Variants in GSE1 observed in about 807,000 individuals in gnomAD.
GSE1 encodes the protein Gse1 coiled-coil protein.
Under a neutral mutation model 112.6 loss-of-function variants are expected in GSE1, and 32 were observed. The ratio of observed to expected loss-of-function variants is 0.28; its 90% CI spans 0.21 to 0.38. The LOEUF is 0.38. Among genes scored for constraint, GSE1 ranks in the 10% least tolerant of loss-of-function variants. The pLI, the probability that GSE1 is intolerant of heterozygous loss-of-function variation, is 1.00. For missense variants in GSE1, 2,348 were observed against 1,699.2 expected, an observed-to-expected ratio of 1.38 and a Z score of -6.71; for synonymous variants, 1,115 against 735.6, an observed-to-expected ratio of 1.52 and a Z score of -8.35.
At chr16:85,173,255 A>ATG (rs1181050748) in intron 1 of GSE1, among the ~76,000 whole-genome samples, 2 of 152,242 alleles carry the variant, frequency 1.3e-5, no homozygotes, top group African/African-American at 4.8e-5. Flanking sequence ...CAAGACTCAG[A>ATG]TAAGTCAGAC....
At chr16:85,332,754 C>T (rs1478398934) in intron 1 of GSE1, among the ~76,000 whole-genome samples, 1 of 152,184 alleles carries the variant, frequency 6.6e-6, no homozygotes, top group Admixed American at 6.5e-5. Flanking sequence ...TTCCTGTCTA[C>T]ACCTCCCTCT....
intron 2 of GSE1, among the ~76,000 whole-genome samples, chr16:85,637,758 AC>A (rs909494709): frequency 2.6e-5 from 4 of 151,042 alleles, no homozygotes; most frequent in African/African-American, 9.6e-5. Context: ...AGAAAGGGAG[AC>A]CGGGCCTCTG....
chr16:85,328,557 T>C (rs1415130097), intron 1 of GSE1, among the ~76,000 whole-genome samples: 1 of 152,176 alleles, frequency 6.6e-6, no homozygotes, highest in African/African-American at 2.4e-5. Flanking sequence ...GAGGTGCCCC[T>C]GCTTCCCAAG....
upstream of GSE1, among the ~76,000 whole-genome samples, chr16:85,608,051 G>A (rs1288899443): frequency 1.3e-5 from 2 of 152,228 alleles, no homozygotes; most frequent in Admixed American, 6.5e-5. Flanking sequence ...AGAGTGGGAC[G>A]CAACCTGGAG....
At chr16:85,447,014 G>A (rs557507366) in intron 2 of GSE1, among the ~76,000 whole-genome samples, 26 of 152,212 alleles carry the variant, frequency 1.7e-4, no homozygotes, top group East Asian at 3.9e-4. Flanking sequence ...TGGGCCACAC[G>A]CCTTGAGCTG....
intron 1 of GSE1, among the ~76,000 whole-genome samples, chr16:85,349,646 TC>T (rs2046813302): frequency 6.6e-6 from 1 of 152,042 alleles, no homozygotes; most frequent in South Asian, 2.1e-4. Flanking sequence ...GGACTGTCTT[TC>T]CCCCTACACT....
intron 1 of GSE1, among the ~76,000 whole-genome samples, chr16:85,348,051 C>T (rs2046778680): frequency 6.6e-6 from 1 of 152,168 alleles, no homozygotes; most frequent in Non-Finnish European, 1.5e-5. Flanking sequence ...TTGGAGTGCA[C>T]AGCTGCCTCA....
intron 1 of GSE1, among the ~76,000 whole-genome samples, chr16:85,601,441 CAA>C (rs562398289): frequency 1.5e-3 from 223 of 152,024 alleles, no homozygotes; most frequent in Middle Eastern, 0.01. Context: ...AATGGGAGCT[CAA>C]AGACAGGCCA....
intron 2 of GSE1, among the ~76,000 whole-genome samples, chr16:85,387,992 G>GTGGATGGATGGATGGA (rs58416051): frequency 3.9e-5 from 4 of 103,140 alleles, no homozygotes; most frequent in Admixed American, 2.7e-4. Flanking sequence ...GGATGGGTGG[G>GTGGATGGATGGATGGA]TGGATGGATG....
intron 2 of GSE1, chr16:85,490,729 T>A (rs893314462): frequency 2.0e-5 from 3 of 152,198 alleles, no homozygotes; most frequent in African/African-American, 4.8e-5. Context: ...TGTCCGTCAA[T>A]AGAAGAGGAA....
rs568776401 is a variant in GSE1 at position 85,499,295 on chromosome 16, C to CT, written c.2465-134586dup. 8.0e-3 allele frequency among the ~76,000 whole-genome samples: 620 copies of CT among 77,180 alleles called. 10 individuals are homozygous for CT. Among genetic ancestry groups the CT allele is most frequent in the Middle Eastern group, 0.012 (1 of 84 alleles). 50.6% of individuals were successfully genotyped at this position (77,180 alleles called of 152,430 possible). On this transcript the variant is annotated intron_variant, in intron 2 of 2. Coordinates refer to the GSE1 transcript ENST00000637419. The stretch of plus-strand genomic sequence containing the variant: ...GTCAGAGAGAAGGCAGGAAAGTCAC[C>CT]TTTTTTTTTTTTTTTTTTTTTTTTT...
chr16:85,497,044 A>G (rs987792471), intron 2 of GSE1, among the ~76,000 whole-genome samples: 1 of 152,026 alleles, frequency 6.6e-6, no homozygotes, highest in African/African-American at 2.4e-5. Flanking sequence ...GATCACAGGC[A>G]CGTGCCACCA....
chr16:85,299,043 C>G (rs1401609206), intron 1 of GSE1, among the ~76,000 whole-genome samples: 1 of 152,210 alleles, frequency 6.6e-6, no homozygotes, highest in East Asian at 1.9e-4. Context: ...TGCTTCCTGA[C>G]ATTCGTGACC....
At chr16:85,330,650 G>A (rs564957392) in intron 1 of GSE1, among the ~76,000 whole-genome samples, 2 of 152,318 alleles carry the variant, frequency 1.3e-5, no homozygotes, top group African/African-American at 4.8e-5. Flanking sequence ...GGTGGGCACC[G>A]GAGGGCATGA....
intron 2 of GSE1, among the ~76,000 whole-genome samples, chr16:85,386,374 C>A (rs1226678206): frequency 6.6e-6 from 1 of 152,198 alleles, no homozygotes; most frequent in African/African-American, 2.4e-5. Context: ...AAGTCTCTTG[C>A]CCCATCTTAC....
At chr16:85,216,028 A>T (rs1389926157) in intron 1 of GSE1, among the ~76,000 whole-genome samples, 1 of 152,176 alleles carries the variant, frequency 6.6e-6, no homozygotes, top group African/African-American at 2.4e-5. Flanking sequence ...GGGTCAGCCC[A>T]CAGCCAACAG....
At chr16:85,368,773 T>C (rs1490380901) in intron 2 of GSE1, among the ~76,000 whole-genome samples, 2 of 152,188 alleles carry the variant, frequency 1.3e-5, no homozygotes, top group Non-Finnish European at 2.9e-5. Context: ...TTCCAGCAAC[T>C]GTAGACCACC....
intron 2 of GSE1, among the ~76,000 whole-genome samples, chr16:85,383,172 C>T (rs1290956046): frequency 6.6e-6 from 1 of 152,020 alleles, no homozygotes; most frequent in African/African-American, 2.4e-5. Context: ...CACCTGGGTA[C>T]ACAGTGCACA....
intron 1 of GSE1, among the ~76,000 whole-genome samples, chr16:85,585,889 C>T (rs1311425192): frequency 6.6e-6 from 1 of 152,192 alleles, no homozygotes; most frequent in African/African-American, 2.4e-5. Flanking sequence ...GGGTCACTTC[C>T]TGCCTCTGAC....
Sources: gnomAD v4.1 joint callset for allele counts (sites outside exome capture counted in the v4.1 genomes callset) on GRCh38, gnomAD v4.1.1 for gene constraint, MANE v1.5 for transcripts, NCBI Gene and HGNC (gene_info 2026-07-23, HGNC 2026-07-21) for gene names.